The following SMC6 variants were observed in gnomAD, a reference collection of about 807,000 sequenced individuals.
The protein encoded by SMC6 is structural maintenance of chromosomes protein 6.
SMC6 carries 79 observed loss-of-function variants against 142.2 expected under a neutral mutation model. That is an observed-to-expected ratio of 0.56 (90% confidence interval 0.46 to 0.67). The LOEUF is 0.67. Among genes scored for constraint, SMC6 ranks in the 30% least tolerant of loss-of-function variants. SMC6 has a pLI of 0.00. For synonymous variants in SMC6, 411 were observed against 412.4 expected (o/e 1.00, Z 0.04); for missense variants, 1,072 against 1,284.0 (o/e 0.83, Z 2.52).
chr2:17,678,091 G>A (rs1413528056), intron 25 of SMC6, among the ~76,000 whole-genome samples: 1 of 151,758 alleles, frequency 6.6e-6, no homozygotes, highest in Non-Finnish European at 1.5e-5. Flanking sequence ...AGTTGAACAC[G>A]GCAGTTTTTT....
chr2:17,719,414 G>C (rs112500160), intron 11 of SMC6, among the ~76,000 whole-genome samples: 25 of 152,236 alleles, frequency 1.6e-4, no homozygotes, highest in African/African-American at 6.0e-4. Flanking sequence ...AGGATATAAA[G>C]ATAAAATAAG....
chr2:17,665,681 A>G, intron 27 of SMC6, 68 bp from the exon 28 acceptor site: 2 of 880,052 alleles, frequency 2.3e-6, no homozygotes, highest in Non-Finnish European at 3.5e-6. Flanking sequence ...AAATTCTAAT[A>G]TTACCTCATG....
At position 17,721,020 on chromosome 2, in the gene SMC6, G is replaced by C; in HGVS notation, c.865C>G (p.Gln289Glu). Reference protein sequence around the residue: ...AWAVVNEIEKQLNAIRDNIKI... With the variant: ...AWAVVNEIEKELNAIRDNIKI... ...ATATTATCTCTGATGGCATTCAATTGTTTTTCAATTTCATTGACCTAAGAA... is the reference window on the plus strand; with the variant it reads ...ATATTATCTCTGATGGCATTCAATTCTTTTTCAATTTCATTGACCTAAGAA... Residue 289 changes from glutamine to glutamate, a missense_variant, in exon 11 of 28, where the codon CAA (glutamine) becomes GAA (glutamate). Coordinates refer to ENST00000448223, the MANE Select transcript of SMC6 (RefSeq NM_001142286.2). 1.2e-6 allele frequency: 2 copies of C among 1,613,490 alleles called. No individual in the cohort carries two copies. Among genetic ancestry groups the C allele is most frequent in the Non-Finnish European group, 1.7e-6 (2 of 1,179,774 alleles).
intron 12 of SMC6, 148 bp downstream of exon 12, chr2:17,717,929 T>G: frequency 1.4e-6 from 1 of 708,068 alleles, no homozygotes; most frequent in South Asian, 3.2e-5. Context: ...GAGGCTACAG[T>G]GAGCCGTGAT....
chr2:17,666,487 A>G lies in SMC6; in HGVS notation c.3094T>C (p.Leu1032=). Residue 1032 remains leucine (L), a synonymous_variant, in exon 27 of 28, where the codon TTG becomes CTG. Transcript: ENST00000448223. The part of the protein sequence containing the change: ...DMVNRRIAMD[L]ILKMADSQRF... ...TGGGAATCTGCCATCTTCAGTATCA[A>G]GTCCATGGCAATTCTCCTATTAACC... 3 of 1,613,898 alleles carry G rather than the reference A, an allele frequency of 1.9e-6. No individual in the cohort carries two copies. The highest frequency in any genetic ancestry group is 1.7e-6 in the Non-Finnish European group (2 of 1,179,898).
At chr2:17,739,065 G>C (rs1198329498) in intron 4 of SMC6, among the ~76,000 whole-genome samples, 1 of 152,018 alleles carries the variant, frequency 6.6e-6, no homozygotes, top group Non-Finnish European at 1.5e-5. Context: ...ATTATTTGTT[G>C]AATGAATGAA....
chr2:17,727,716 T>C (rs1188279109), intron 7 of SMC6, among the ~76,000 whole-genome samples: 1 of 152,172 alleles, frequency 6.6e-6, no homozygotes, highest in Admixed American at 6.5e-5. Context: ...AAAATAATCT[T>C]CATAAGGTTA....
chr2:17,708,893 A>G, intron 16 of SMC6, 140 bp from the exon 17 acceptor site: 1 of 296,718 alleles, frequency 3.4e-6, no homozygotes. Flanking sequence ...ATAACAAGAC[A>G]ATATCAAATA....
intron 25 of SMC6, among the ~76,000 whole-genome samples, chr2:17,670,988 A>G (rs1189959380): frequency 6.6e-6 from 1 of 151,184 alleles, no homozygotes; most frequent in Non-Finnish European, 1.5e-5. Flanking sequence ...CAGCCTCCCA[A>G]GTAGTTGGGA....
chr2:17,720,088 G>C (rs2125010512), intron 11 of SMC6, among the ~76,000 whole-genome samples: 1 of 152,330 alleles, frequency 6.6e-6, no homozygotes, highest in East Asian at 1.9e-4. Context: ...ATTACAGCAT[G>C]AGGAGCCCCA....
At chr2:17,745,213 A>C (rs1670682416) in intron 3 of SMC6, among the ~76,000 whole-genome samples, 1 of 152,192 alleles carries the variant, frequency 6.6e-6, no homozygotes, top group African/African-American at 2.4e-5. Context: ...TTTGGCATCA[A>C]GATAATACAT....
At chr2:17,705,084 T>C (rs1378560317) in intron 18 of SMC6, among the ~76,000 whole-genome samples, 1 of 150,116 alleles carries the variant, frequency 6.7e-6, no homozygotes. Flanking sequence ...TGGTGAAACC[T>C]TGTCTCTACC....
intron 23 of SMC6, 63 bp downstream of exon 23, chr2:17,695,089 A>T: frequency 1.9e-6 from 3 of 1,574,898 alleles, no homozygotes; most frequent in Admixed American, 1.9e-5. Flanking sequence ...TATGTTTTTC[A>T]TTTTTTGTCT....
chr2:17,721,494 G>A (rs976724701), intron 9 of SMC6, among the ~76,000 whole-genome samples: 4 of 152,184 alleles, frequency 2.6e-5, no homozygotes, highest in Middle Eastern at 3.4e-3. Context: ...CAGATGAAGA[G>A]CAAAGGAATT....
intron 23 of SMC6, among the ~76,000 whole-genome samples, chr2:17,687,914 T>C (rs562192377): frequency 6.6e-6 from 1 of 152,276 alleles, no homozygotes; most frequent in Non-Finnish European, 1.5e-5. Context: ...GAAAAAATAA[T>C]TGCAAACACA....
At chr2:17,738,812 C>T (rs1670284120) in intron 4 of SMC6, among the ~76,000 whole-genome samples, 1 of 152,118 alleles carries the variant, frequency 6.6e-6, no homozygotes, top group Non-Finnish European at 1.5e-5. Flanking sequence ...ATCACTATGC[C>T]CGGCTAATTT....
At chr2:17,749,478 A>T (rs963747921) in intron 2 of SMC6, among the ~76,000 whole-genome samples, 2 of 152,228 alleles carry the variant, frequency 1.3e-5, no homozygotes, top group Non-Finnish European at 2.9e-5. Flanking sequence ...TCACGAGGTC[A>T]GGAGTTTGAG....
rs527767731 is a variant in SMC6, at chr2:17,731,732, A to T, written c.481+9T>A. 4.3e-5 allele frequency: 69 copies of T among 1,605,908 alleles called. No individual in the cohort carries two copies. The African/African-American group carries it at 7.9e-4, about 18-fold the overall frequency. Reference sequence around the variant, plus strand: ...TTTTATAAGAAATGAAAAGAGAATCAAAACAAACCTGTTGCACTTTTAAGT... The same window carrying T: ...TTTTATAAGAAATGAAAAGAGAATCTAAACAAACCTGTTGCACTTTTAAGT... On this transcript the variant is annotated intron_variant, in intron 6 of 27. Transcript: ENST00000448223.
chr2:17,751,174 T>A (rs963382313), intron 2 of SMC6, among the ~76,000 whole-genome samples: 2 of 152,090 alleles, frequency 1.3e-5, no homozygotes, highest in African/African-American at 4.8e-5. Flanking sequence ...ATGAAATTTA[T>A]TTTATTTGAA....
Sources: allele counts gnomAD v4.1 joint callset (sites outside exome capture counted in the v4.1 genomes callset), GRCh38; gene constraint gnomAD v4.1.1; transcripts MANE v1.5; gene names NCBI Gene and HGNC (gene_info 2026-07-23, HGNC 2026-07-21).